Variants in ANKRD12 observed in about 807,000 individuals in gnomAD.
ANKRD12 encodes ankyrin repeat domain-containing protein 12.
ANKRD12 carries 85 observed loss-of-function variants against 183.4 expected under a neutral mutation model. The observed-to-expected ratio is 0.46, with a 90% confidence interval of 0.39 to 0.56. The LOEUF (loss-of-function observed/expected upper bound fraction) is 0.56, where lower values mean the gene tolerates loss of function less well. Ranked by LOEUF, ANKRD12 falls within the 20% of genes least tolerant of loss-of-function variation. The probability of loss-of-function intolerance (pLI) is 0.00; values close to 1 mark genes in which losing one functional copy is unlikely to be tolerated. For missense variants in ANKRD12, 2,405 were observed against 2,357.1 expected, an observed-to-expected ratio of 1.02 and a Z score of -0.42; for synonymous variants, 914 against 800.2, an observed-to-expected ratio of 1.14 and a Z score of -2.40.
rs373625418 is a variant in ANKRD12, at chr18:9,258,820, A to G, written c.5553A>G (p.Lys1851=). ...HIRKKIEEKR[K]LLCSVIPQAP... Reference sequence around the variant, plus strand: ...GGAAAAAAATAGAAGAAAAACGCAAATTACTGTGTAGTGTGATTCCTCAAG... The same window carrying G: ...GGAAAAAAATAGAAGAAAAACGCAAGTTACTGTGTAGTGTGATTCCTCAAG... The change falls in exon 9 of 13, where the codon AAA becomes AAG. Residue 1851 remains lysine (K), a synonymous_variant. Coordinates refer to ENST00000262126, the MANE Select transcript of ANKRD12 (RefSeq NM_015208.5). 7.0e-5 allele frequency: 113 copies of G among 1,613,808 alleles called. No homozygotes were observed. Among genetic ancestry groups the G allele is most frequent in the Non-Finnish European group, 9.3e-5 (110 of 1,179,860 alleles).
At chr18:9,248,757 C>T (rs1181838857) in intron 8 of ANKRD12, among the ~76,000 whole-genome samples, 2 of 152,186 alleles carry the variant, frequency 1.3e-5, no homozygotes, top group Admixed American at 6.5e-5. Flanking sequence ...TGTGTGAAAG[C>T]GCAAGCTATA....
intron 8 of ANKRD12, among the ~76,000 whole-genome samples, chr18:9,237,573 G>T (rs950339891): frequency 3.3e-5 from 5 of 152,212 alleles, no homozygotes; most frequent in African/African-American, 1.2e-4. Context: ...AAGCATGTCA[G>T]TGCTGTGCCT....
At chr18:9,219,132 T>A (rs891001176) in intron 7 of ANKRD12, among the ~76,000 whole-genome samples, 9 of 152,206 alleles carry the variant, frequency 5.9e-5, no homozygotes, top group African/African-American at 2.2e-4. Flanking sequence ...ATTATTTGAT[T>A]TAGGGTGTTT....
intron 8 of ANKRD12, among the ~76,000 whole-genome samples, chr18:9,240,518 A>G (rs896293080): frequency 1.3e-5 from 2 of 152,180 alleles, no homozygotes; most frequent in Admixed American, 1.3e-4. Context: ...CCGCATACTT[A>G]CTGACACTCA....
At chr18:9,204,594 T>A in intron 4 of ANKRD12, 50 bp downstream of exon 4, 1 of 1,298,646 alleles carries the variant, frequency 7.7e-7, no homozygotes, top group Non-Finnish European at 1.1e-6. Flanking sequence ...TCTGTCACAT[T>A]TACAATTAAT....
At chr18:9,161,628 G>C (rs933753540) in intron 1 of ANKRD12, among the ~76,000 whole-genome samples, 1 of 151,754 alleles carries the variant, frequency 6.6e-6, no homozygotes, top group Non-Finnish European at 1.5e-5. Context: ...CGCCCGCCTC[G>C]GCCTTCCAAA....
chr18:9,146,619 C>G (rs1404424952), intron 1 of ANKRD12, among the ~76,000 whole-genome samples: 7 of 152,316 alleles, frequency 4.6e-5, no homozygotes, highest in Admixed American at 4.6e-4. Flanking sequence ...TACTTTCTTT[C>G]AGCTATTAGA....
intron 8 of ANKRD12, 143 bp from the exon 9 acceptor site, chr18:9,254,068 T>C: frequency 2.0e-6 from 2 of 991,608 alleles, no homozygotes; most frequent in Non-Finnish European, 2.7e-6. Context: ...GCTATTACAT[T>C]ATTTCCATAT....
At chr18:9,157,544 TGTGTGG>T (rs1328879416) in intron 1 of ANKRD12, among the ~76,000 whole-genome samples, 3 of 128,430 alleles carry the variant, frequency 2.3e-5, no homozygotes, top group Non-Finnish European at 4.8e-5. Flanking sequence ...TTTTATGGTG[TGTGTGG>T]GTGTGTGTGT....
At position 9,256,346 on chromosome 18, in the gene ANKRD12, T is replaced by C; in HGVS notation, c.3079T>C (p.Tyr1027His). ...KDKKDKDIDR[Y>H]KERDKHKDKI... ...TAAAAAAGATAAAGATATAGATAGA[T>C]ACAAAGAACGAGACAAACATAAAGA... The change falls in exon 9 of 13, where the codon TAC becomes CAC. Residue 1027 changes from tyrosine (Y) to histidine (H), a missense_variant. This residue lies in a region of ANKRD12 where 1,983 missense variants were observed against 1,725.9 expected (regional missense o/e 1.15). Transcript: ENST00000262126. 1 of 1,593,728 alleles carries C rather than the reference T, an allele frequency of 6.3e-7. No homozygotes were observed. Among genetic ancestry groups the C allele is most frequent in the Non-Finnish European group, 8.5e-7 (1 of 1,170,800 alleles).
intron 1 of ANKRD12, among the ~76,000 whole-genome samples, chr18:9,172,103 TG>T (rs1467658947): frequency 6.6e-6 from 1 of 151,858 alleles, no homozygotes; most frequent in African/African-American, 2.4e-5. Flanking sequence ...AGAGGTCTGC[TG>T]TTAGTCTGAT....
intron 1 of ANKRD12, among the ~76,000 whole-genome samples, chr18:9,157,581 G>GTATATATATATA (rs1221750938): frequency 7.3e-5 from 8 of 109,342 alleles, no homozygotes; most frequent in African/African-American, 3.1e-4. Flanking sequence ...GTGTGTGTGT[G>GTATATATATATA]TGTGTATATA....
intron 4 of ANKRD12, 95 bp from the exon 5 acceptor site, chr18:9,208,562 A>G (rs2035611947): frequency 1.4e-5 from 15 of 1,034,916 alleles, no homozygotes; most frequent in African/African-American, 3.2e-5. Flanking sequence ...CATTTCTCAT[A>G]TATATGTACA....
rs11310603 is a variant in ANKRD12 at position 9,186,137 on chromosome 18, A to ATT, written c.87+3638_87+3639dup. On this transcript the variant is annotated intron_variant, in intron 2 of 12. Transcript: ENST00000262126. Reference sequence around the variant, plus strand: ...TGAATATTGCCCTCCTAAAAGTGTGATTTTTTTTTTTTTTTTTTTTTGAGA... The same window carrying ATT: ...TGAATATTGCCCTCCTAAAAGTGTGATTTTTTTTTTTTTTTTTTTTTTTGAGA... Among the ~76,000 whole-genome samples the ATT allele has an allele frequency of 4.8e-3, 611 of 126,718 alleles. 11 individuals carry two copies. Among genetic ancestry groups the ATT allele is most frequent in the African/African-American group, 0.013 (428 of 33,822 alleles). The allele number at this position is 126,718 out of a possible 152,430, so 83.1% of individuals were successfully genotyped here.
At chr18:9,252,537 A>G (rs1379594071) in intron 8 of ANKRD12, among the ~76,000 whole-genome samples, 1 of 152,272 alleles carries the variant, frequency 6.6e-6, no homozygotes, top group African/African-American at 2.4e-5. Flanking sequence ...TTAAAAAAGT[A>G]GGCATCTTTT....
intron 1 of ANKRD12, among the ~76,000 whole-genome samples, chr18:9,141,165 T>C (rs1389356979): frequency 6.6e-6 from 1 of 152,150 alleles, no homozygotes; most frequent in Non-Finnish European, 1.5e-5. Context: ...ATGGGAATCA[T>C]AGAACATAGG....
At chr18:9,160,467 T>G (rs553085758) in intron 1 of ANKRD12, among the ~76,000 whole-genome samples, 6 of 152,344 alleles carry the variant, frequency 3.9e-5, no homozygotes, top group African/African-American at 1.4e-4. Context: ...CACAGTGATG[T>G]GCAGCTATTG....
chr18:9,256,057 G>C lies in ANKRD12; in HGVS notation c.2790G>C (p.Leu930Phe). 1 of 1,559,002 alleles carries C rather than the reference G, an allele frequency of 6.4e-7. No individual in the cohort carries two copies. Among genetic ancestry groups the C allele is most frequent in the Non-Finnish European group, 8.6e-7 (1 of 1,158,926 alleles). ...TAGCAGAAAGCAAAGAAAAGCACTTGATGGAGAAAAAAAATAAACAATCAG... is the reference window on the plus strand; with the variant it reads ...TAGCAGAAAGCAAAGAAAAGCACTTCATGGAGAAAAAAAATAAACAATCAG... Reference protein sequence around the residue: ...RHLAESKEKHLMEKKNKQSDN... With the variant: ...RHLAESKEKHFMEKKNKQSDN... Residue 930 changes from leucine (L) to phenylalanine (F), a missense_variant, in exon 9 of 13, where the codon TTG becomes TTC. Physicochemically the swap from Leu to Phe is conservative, Grantham distance 22 (BLOSUM62 0). Coordinates refer to ENST00000262126, the MANE Select transcript of ANKRD12 (RefSeq NM_015208.5).
Position 9,208,671 on chromosome 18 carries a change from G to C in ANKRD12, c.319G>C (p.Glu107Gln), listed in dbSNP as rs372921602. Reference protein sequence around the residue: ...YRTYSEKEGPEKKKTKKEAGN... With the variant: ...YRTYSEKEGPQKKKTKKEAGN... ...AATAATTCCAGAGAAAGAAGGTCCA[G>C]AAAAGAAGAAGACAAAAAAGGAAGC... The change falls in exon 5 of 13, where the codon GAA becomes CAA. Residue 107 changes from glutamate to glutamine, a missense_variant. Transcript: ENST00000262126. 3.0e-5 allele frequency: 49 copies of C among 1,607,250 alleles called. No individual in the cohort carries two copies. The highest frequency in any genetic ancestry group is 1.7e-5 in the Admixed American group (1 of 58,882).
Sources: gnomAD v4.1 joint callset for allele counts (sites outside exome capture counted in the v4.1 genomes callset) on GRCh38, gnomAD v4.1.1 for gene constraint, gnomAD v4.1.1 regional missense constraint, MANE v1.5 for transcripts, NCBI Gene and HGNC (gene_info 2026-07-23, HGNC 2026-07-21) for gene names.